The following FYTTD1 variants were observed in gnomAD, a reference collection of about 807,000 sequenced individuals.
The protein encoded by FYTTD1 is UAP56-interacting factor.
FYTTD1 carries 22 observed loss-of-function variants against 40.9 expected under a neutral mutation model. The observed-to-expected ratio is 0.54, with a 90% CI of 0.38 to 0.77. The LOEUF is 0.77. Among genes scored for constraint, FYTTD1 ranks in the 30% least tolerant of loss-of-function variants. The pLI is 0.00. For missense variants in FYTTD1, 351 were observed against 392.2 expected, an observed-to-expected ratio of 0.90 and a Z score of 0.89; for synonymous variants, 140 against 137.9, an observed-to-expected ratio of 1.01 and a Z score of -0.10.
chr3:197,764,685 G>T (rs1361480959), intron 2 of FYTTD1, among the ~76,000 whole-genome samples: 1 of 144,572 alleles, frequency 6.9e-6, no homozygotes, highest in Non-Finnish European at 1.5e-5. Context: ...CTCCAGCCCG[G>T]GTGACAGAGC....
chr3:197,749,584 C>T (rs1344010579), upstream of FYTTD1: 3 of 1,271,974 alleles, frequency 2.4e-6, no homozygotes, highest in South Asian at 3.7e-5. Context: ...GTATAGGGGA[C>T]CTGTCTGCAG....
At chr3:197,764,945 G>T (rs1415770989) in intron 2 of FYTTD1, among the ~76,000 whole-genome samples, 1 of 151,358 alleles carries the variant, frequency 6.6e-6, no homozygotes, top group African/African-American at 2.4e-5. Context: ...CCGCCTCCCA[G>T]GTCAAGCGAT....
intron 2 of FYTTD1, chr3:197,763,419 A>G (rs769360776): frequency 1.4e-5 from 5 of 362,156 alleles, no homozygotes; most frequent in South Asian, 8.3e-5. Flanking sequence ...TGTCTCAAAA[A>G]AAAAAAAAAA....
intron 1 of FYTTD1, among the ~76,000 whole-genome samples, chr3:197,750,978 T>A (rs1432413722): frequency 1.3e-5 from 2 of 152,114 alleles, no homozygotes; most frequent in African/African-American, 4.8e-5. Flanking sequence ...AAAGTACGAA[T>A]ATTTTTGTCG....
At position 197,786,514 on chromosome 3, in the gene FYTTD1, A is replaced by G. The variant is rs1248104971; in HGVS notation, c.*4605A>G. The G allele has an allele frequency of 1.3e-5, 2 of 152,164 alleles. No homozygotes were observed. The highest frequency in any genetic ancestry group is 6.6e-5 in the Admixed American group (1 of 15,264). The allele number at this position is 152,164 out of a possible 1,614,324, so 9.4% of individuals were successfully genotyped here. A position where few individuals can be genotyped will look rare whatever the true frequency, so the allele number is the denominator to read the frequency against. ...AATGTCGTCTTATGAGTGTATTCAG[A>G]TGAGGTATACCAGTGTTTAAAGATT... On this transcript the variant is annotated 3_prime_UTR_variant, in exon 9 of 9. Transcript: ENST00000241502.
chr3:197,749,791 C>T (rs1459355251), upstream of FYTTD1: 2 of 488,558 alleles, frequency 4.1e-6, no homozygotes, highest in South Asian at 2.6e-5. Context: ...CGGCGCGGGG[C>T]CGCTCTGGTC....
At chr3:197,757,140 T>A (rs1161043506) in intron 2 of FYTTD1, among the ~76,000 whole-genome samples, 1 of 152,250 alleles carries the variant, frequency 6.6e-6, no homozygotes, top group East Asian at 1.9e-4. Context: ...ATTTGTTAAA[T>A]CTTCCAAAGT....
chr3:197,774,807 A>G (rs1337376732), intron 6 of FYTTD1, among the ~76,000 whole-genome samples: 1 of 150,918 alleles, frequency 6.6e-6, no homozygotes, highest in East Asian at 2.0e-4. Flanking sequence ...GCATAGCTCG[A>G]TCGCCAGTGC....
rs1439093419 is a variant in FYTTD1 at position 197,782,066 on chromosome 3, C to A, written c.*157C>A. On this transcript the variant is annotated 3_prime_UTR_variant, in exon 9 of 9. Coordinates refer to ENST00000241502, the MANE Select transcript of FYTTD1 (RefSeq NM_032288.7). ...AGGTTTTTTTTTTTAAAAAAAAAAACGTATAAAATAATGCCCTGAAAGAAT... is the reference window on the plus strand; with the variant it reads ...AGGTTTTTTTTTTTAAAAAAAAAAAAGTATAAAATAATGCCCTGAAAGAAT... 7.0e-6 allele frequency: 3 copies of A among 429,174 alleles called. No individual in the cohort carries two copies. The highest frequency in any genetic ancestry group is 1.3e-5 in the Non-Finnish European group (3 of 237,080). The allele number at this position is 429,174 out of a possible 1,614,324, so 26.6% of individuals were successfully genotyped here. A position where few individuals can be genotyped will look rare whatever the true frequency, so the allele number is the denominator to read the frequency against.
intron 4 of FYTTD1, among the ~76,000 whole-genome samples, chr3:197,772,221 G>A (rs976955547): frequency 2.6e-5 from 4 of 152,170 alleles, no homozygotes; most frequent in East Asian, 1.9e-4. Context: ...CATCATTTAC[G>A]TGAGACTTAC....
chr3:197,760,700 AGTTGTTC>A, intron 2 of FYTTD1, among the ~76,000 whole-genome samples: 1 of 151,514 alleles, frequency 6.6e-6, no homozygotes, highest in South Asian at 2.1e-4. Flanking sequence ...TAATGTATGG[AGTTGTTC>A]TTCAGTGGTA....
At chr3:197,766,549 C>T (rs1255121924) in intron 2 of FYTTD1, among the ~76,000 whole-genome samples, 1 of 151,500 alleles carries the variant, frequency 6.6e-6, no homozygotes, top group Non-Finnish European at 1.5e-5. Context: ...CTCAAATGAT[C>T]CTCCTGCCTC....
chr3:197,770,577 G>A (rs1580460926), intron 4 of FYTTD1, among the ~76,000 whole-genome samples: 1 of 152,064 alleles, frequency 6.6e-6, no homozygotes, highest in African/African-American at 2.4e-5. Flanking sequence ...AGGGCTTCTC[G>A]ATCTGTTGCT....
In FYTTD1 at chr3:197,763,181, A is replaced by T. The variant is rs574204424; in HGVS notation, c.236-5258A>T. ...GTAATCCCAGCACTTTGGGAGCCCG[A>T]GGTGGGTGGATCACCTGAGGTCAGG... On this transcript the variant is annotated intron_variant, in intron 2 of 8. Transcript: ENST00000241502. Among the ~76,000 whole-genome samples, 3 of 151,806 alleles carry T rather than the reference A, an allele frequency of 2.0e-5. No individual in the cohort carries two copies. In the South Asian group the frequency reaches 6.3e-4, roughly 32 times the overall value.
chr3:197,773,970 G>T lies in FYTTD1; in HGVS notation c.595-179G>T, dbSNP rs552339063. ...GTTAGGAATTTCTAGAATAGCGCGG[G>T]CCCCTCCGCTGCACTCACGCACACG... On this transcript the variant is annotated intron_variant, in intron 5 of 8. Coordinates refer to ENST00000241502, the MANE Select transcript of FYTTD1 (RefSeq NM_032288.7). Among the ~76,000 whole-genome samples, 32 of 151,984 alleles carry T rather than the reference G, an allele frequency of 2.1e-4. No homozygotes were observed. The South Asian group carries it at 2.7e-3, about 13-fold the overall frequency.
rs1454591922 is a variant in FYTTD1 at position 197,760,630 on chromosome 3, G to A, written c.235+4073G>A. On this transcript the variant is annotated intron_variant, in intron 2 of 8. Coordinates refer to ENST00000241502, the MANE Select transcript of FYTTD1 (RefSeq NM_032288.7). ...AGAATGTATAGAGTTGTTCCTCAGT[G>A]GTAGAATGTATACAGTTGTTCTTCA... is the stretch of plus-strand genomic sequence containing the variant. Among the ~76,000 whole-genome samples the A allele has an allele frequency of 3.9e-5, 6 of 152,072 alleles. No individual in the cohort carries two copies. In the East Asian group the frequency reaches 1.2e-3, roughly 29 times the overall value.
At chr3:197,751,145 G>A (rs1729024525) in intron 1 of FYTTD1, among the ~76,000 whole-genome samples, 1 of 152,090 alleles carries the variant, frequency 6.6e-6, no homozygotes, top group African/African-American at 2.4e-5. Context: ...CCTTCTTTCG[G>A]TTTTCATTTC....
Position 197,785,955 on chromosome 3 carries a change from T to C in FYTTD1, c.*4046T>C, listed in dbSNP as rs1253227985. 1 of 151,562 alleles carries C rather than the reference T, an allele frequency of 6.6e-6. No individual in the cohort carries two copies. Among genetic ancestry groups the C allele is most frequent in the Non-Finnish European group, 1.5e-5 (1 of 67,912 alleles). The allele number at this position is 151,562 out of a possible 1,614,324, so 9.4% of individuals were successfully genotyped here. ...CTAGCTTCTTTTTTTTTTTTTTAAATGATACTTCAGTAAACACAGCATTTA... is the reference window on the plus strand; with the variant it reads ...CTAGCTTCTTTTTTTTTTTTTTAAACGATACTTCAGTAAACACAGCATTTA... On this transcript the variant is annotated 3_prime_UTR_variant, in exon 9 of 9. Transcript: ENST00000241502.
At chr3:197,750,272 C>T in intron 1 of FYTTD1, 198 bp downstream of exon 1, 1 of 945,040 alleles carries the variant, frequency 1.1e-6, no homozygotes, top group Non-Finnish European at 1.4e-6. Flanking sequence ...CCGCGAGGGA[C>T]CCGGGCGTCC....
Sources: gnomAD v4.1 joint callset for allele counts (sites outside exome capture counted in the v4.1 genomes callset) on GRCh38, gnomAD v4.1.1 for gene constraint, MANE v1.5 for transcripts, NCBI Gene and HGNC (gene_info 2026-07-23, HGNC 2026-07-21) for gene names.